The following DNAH3 variants were observed in gnomAD, a reference collection of about 807,000 sequenced individuals.
DNAH3 encodes dynein axonemal heavy chain 3, also known as axonemal beta dynein heavy chain 3.
DNAH3 carries 332 observed loss-of-function variants against 432.5 expected under a neutral mutation model. The ratio of observed to expected loss-of-function variants is 0.77; its 90% CI spans 0.70 to 0.84. The LOEUF (loss-of-function observed/expected upper bound fraction) is 0.84. DNAH3 is among the 40% of genes least tolerant of loss of function. The pLI is 0.00. For synonymous variants in DNAH3, 1,956 were observed against 1,900.2 expected, an observed-to-expected ratio of 1.03 and a Z score of -0.76; for missense variants, 4,861 against 5,114.0, an observed-to-expected ratio of 0.95 and a Z score of 1.51.
At chr16:21,050,326 T>G (rs749611661) in intron 29 of DNAH3, among the ~76,000 whole-genome samples, 5 of 152,366 alleles carry the variant, frequency 3.3e-5, no homozygotes, top group Non-Finnish European at 5.9e-5. Context: ...AATGAATACA[T>G]GCATACCTAT....
At chr16:21,153,927 C>A (rs945203642) in intron 1 of DNAH3, among the ~76,000 whole-genome samples, 3 of 152,170 alleles carry the variant, frequency 2.0e-5, no homozygotes, top group Non-Finnish European at 4.4e-5. Context: ...TTTTCCATCT[C>A]TTATATTATG....
exon 55 of DNAH3, chr16:20,954,966 G>T (rs781451866): frequency 6.2e-7 from 1 of 1,614,008 alleles, no homozygotes; most frequent in Non-Finnish European, 8.5e-7. Flanking sequence ...AGGTTGGCCC[G>T]GAGCCCTTTG....
intron 42 of DNAH3, among the ~76,000 whole-genome samples, chr16:21,000,825 C>A (rs1436186574): frequency 6.6e-6 from 1 of 152,198 alleles, no homozygotes; most frequent in Non-Finnish European, 1.5e-5. Context: ...TCAAGTAACA[C>A]AGCAAGTAAG....
intron 20 of DNAH3, among the ~76,000 whole-genome samples, chr16:21,078,417 G>C (rs1390013944): frequency 6.6e-6 from 1 of 152,128 alleles, no homozygotes; most frequent in African/African-American, 2.4e-5. Context: ...TTACAAACAA[G>C]GACTGATCAG....
intron 41 of DNAH3, among the ~76,000 whole-genome samples, chr16:21,004,455 C>T (rs1282702658): frequency 1.3e-5 from 2 of 152,056 alleles, no homozygotes; most frequent in Non-Finnish European, 2.9e-5. Flanking sequence ...GCAACCTCCG[C>T]CTCCCGAGTT....
At chr16:21,103,140 T>C (rs1480397805) in intron 16 of DNAH3, among the ~76,000 whole-genome samples, 1 of 152,072 alleles carries the variant, frequency 6.6e-6, no homozygotes, top group Non-Finnish European at 1.5e-5. Flanking sequence ...ATAAGAATGA[T>C]ACAATGGACT....
chr16:21,070,736 T>C, exon 22 of DNAH3: 1 of 1,612,470 alleles, frequency 6.2e-7, no homozygotes, highest in Non-Finnish European at 8.5e-7. Context: ...ATTGGTTTGA[T>C]GAATGGGGAG....
At chr16:20,974,817 CCTTATT>C (rs2152645936) in intron 51 of DNAH3, among the ~76,000 whole-genome samples, 1 of 150,644 alleles carries the variant, frequency 6.6e-6, no homozygotes, top group Admixed American at 6.6e-5. Context: ...GTCGCCTACC[CCTTATT>C]ATTATTATTA....
chr16:21,098,818 C>T (rs1376714696), intron 16 of DNAH3, 49 bp from the exon 17 acceptor site: 1 of 1,578,468 alleles, frequency 6.3e-7, no homozygotes, highest in Admixed American at 1.9e-5. Flanking sequence ...ATTTTGTGCA[C>T]TTTCAAAACA....
intron 47 of DNAH3, among the ~76,000 whole-genome samples, chr16:20,987,048 C>T (rs2086232377): frequency 6.6e-6 from 1 of 152,128 alleles, no homozygotes; most frequent in African/African-American, 2.4e-5. Context: ...AATAAACATT[C>T]ATTTATAATG....
intron 41 of DNAH3, among the ~76,000 whole-genome samples, chr16:21,007,738 T>C (rs2087385491): frequency 6.6e-6 from 1 of 152,218 alleles, no homozygotes; most frequent in African/African-American, 2.4e-5. Flanking sequence ...TTTTCTTTTG[T>C]CACTTGTGCT....
At position 21,034,098 on chromosome 16, in the gene DNAH3, A is replaced by G. The variant is rs1798596164; in HGVS notation, c.5086-13T>C. 2 of 1,566,752 alleles carry G rather than the reference A, an allele frequency of 1.3e-6. No individual in the cohort carries two copies. Among genetic ancestry groups the G allele is most frequent in the Non-Finnish European group, 1.8e-6 (2 of 1,138,056 alleles). On this transcript the variant is annotated splice_polypyrimidine_tract_variant and intron_variant, in intron 35 of 61. Coordinates refer to ENST00000261383, the Ensembl canonical transcript of DNAH3. Reference sequence around the variant, plus strand: ...TCATTTCGTAGATCTGGGAGGAGACATCATTCATAAAAGAAGCTAATCATT... The same window carrying G: ...TCATTTCGTAGATCTGGGAGGAGACGTCATTCATAAAAGAAGCTAATCATT...
At chr16:20,953,900 G>A (rs2152590984) in intron 55 of DNAH3, among the ~76,000 whole-genome samples, 1 of 152,034 alleles carries the variant, frequency 6.6e-6, no homozygotes, top group Admixed American at 6.6e-5. Flanking sequence ...TTGCACCATT[G>A]TGCCTGGCAT....
At chr16:21,117,990 G>A (rs982146226) in intron 11 of DNAH3, among the ~76,000 whole-genome samples, 5 of 151,342 alleles carry the variant, frequency 3.3e-5, no homozygotes, top group African/African-American at 1.2e-4. Flanking sequence ...GTTTTTTTTT[G>A]TTTTGTTTTG....
intron 48 of DNAH3, among the ~76,000 whole-genome samples, chr16:20,983,727 C>A (rs2086030994): frequency 6.6e-6 from 1 of 151,902 alleles, no homozygotes; most frequent in Non-Finnish European, 1.5e-5. Flanking sequence ...GGGTAAAGAA[C>A]AGAGGCCTGG....
chr16:21,042,185 CCA>C lies in DNAH3; in HGVS notation c.4478_4479del (p.Val1493GlyfsTer22). ...TGGATGCTGAGGATCTGCTGAGCGA[CCA>C]CAGACAGCACTTCTACCTGGGGTGA... is the stretch of plus-strand genomic sequence containing the variant. On this transcript the variant is annotated frameshift_variant, in exon 32 of 62. Coordinates refer to ENST00000261383, the Ensembl canonical transcript of DNAH3. LOFTEE classifies it high-confidence loss of function. The C allele has an allele frequency of 6.2e-7, 1 of 1,605,834 alleles. No individual in the cohort carries two copies. The highest frequency in any genetic ancestry group is 8.5e-7 in the Non-Finnish European group (1 of 1,176,706).
exon 6 of DNAH3, chr16:21,136,426 T>C: frequency 6.2e-7 from 1 of 1,614,132 alleles, no homozygotes; most frequent in East Asian, 2.2e-5. Context: ...GTGTTAGAAA[T>C]CAGCTTTGAA....
intron 6 of DNAH3, among the ~76,000 whole-genome samples, chr16:21,134,770 T>G (rs2092620015): frequency 6.6e-6 from 1 of 151,826 alleles, no homozygotes; most frequent in Non-Finnish European, 1.5e-5. Context: ...AACCTCCACC[T>G]CCGCCTCCTA....
At chr16:21,107,929 C>A (rs1332211248) in intron 14 of DNAH3, among the ~76,000 whole-genome samples, 2 of 151,562 alleles carry the variant, frequency 1.3e-5, no homozygotes, top group African/African-American at 4.9e-5. Flanking sequence ...GTGGTGTGAT[C>A]TCAGCTTACG....
Sources: allele counts gnomAD v4.1 joint callset (sites outside exome capture counted in the v4.1 genomes callset), GRCh38; gene constraint gnomAD v4.1.1; transcripts MANE v1.5; gene names NCBI Gene and HGNC (gene_info 2026-07-23, HGNC 2026-07-21).